Variants in SUMF1 observed in about 807,000 individuals in gnomAD.
SUMF1 encodes sulfatase modifying factor 1.
A neutral mutation model predicts 47.6 loss-of-function variants in SUMF1; 48 were observed. The ratio of observed to expected loss-of-function variants is 1.01; its 90% CI spans 0.80 to 1.28. The LOEUF (loss-of-function observed/expected upper bound fraction) is 1.28, where lower values mean the gene tolerates loss of function less well. SUMF1 is among the 50% of genes most tolerant of loss of function. The pLI, the probability that SUMF1 is intolerant of heterozygous loss-of-function variation, is 0.00. For synonymous variants in SUMF1, 230 were observed against 192.1 expected (o/e 1.20, Z -1.63); for missense variants, 571 against 485.4 (o/e 1.18, Z -1.66).
At chr3:4,402,297 G>A (rs1701237731) in intron 7 of SUMF1, among the ~76,000 whole-genome samples, 1 of 152,124 alleles carries the variant, frequency 6.6e-6, no homozygotes, top group African/African-American at 2.4e-5. Flanking sequence ...CTCACCAATT[G>A]CTGCCATCCT....
chr3:4,309,410 G>C (rs150640494), intron 8 of SUMF1, among the ~76,000 whole-genome samples: 174 of 152,244 alleles, frequency 1.1e-3, no homozygotes, highest in Non-Finnish European at 2.2e-3. Context: ...TTGGTTAACA[G>C]AGTACATTTT....
intron 8 of SUMF1, among the ~76,000 whole-genome samples, chr3:4,177,860 T>C (rs906938423): frequency 6.6e-6 from 1 of 152,002 alleles, no homozygotes. Context: ...AAAGGAGATA[T>C]CACCACCAAT....
Position 4,107,690 on chromosome 3 carries a change from T to C in SUMF1, c.1015-38945A>G, listed in dbSNP as rs190739236. Among the ~76,000 whole-genome samples the C allele has an allele frequency of 1.1e-4, 16 of 152,212 alleles. No individual in the cohort carries two copies. The East Asian group carries it at 3.1e-3, about 29-fold the overall frequency. On this transcript the variant is annotated intron_variant and NMD_transcript_variant, in intron 8 of 12. Coordinates refer to the SUMF1 transcript ENST00000448413. ...TATCAGGGCCTAGTGTGGCAACTCATGTCGGTAATAGCAGCACTTTGGAAG... is the reference window on the plus strand; with the variant it reads ...TATCAGGGCCTAGTGTGGCAACTCACGTCGGTAATAGCAGCACTTTGGAAG...
At chr3:4,162,263 G>T (rs545194264) in intron 8 of SUMF1, among the ~76,000 whole-genome samples, 2 of 152,262 alleles carry the variant, frequency 1.3e-5, no homozygotes, top group Non-Finnish European at 2.9e-5. Context: ...AGCAAGCTGC[G>T]CTACCTGAGG....
At chr3:4,367,858 C>T (rs1242548534) in intron 8 of SUMF1, among the ~76,000 whole-genome samples, 14 of 151,540 alleles carry the variant, frequency 9.2e-5, no homozygotes, top group East Asian at 1.9e-4. Flanking sequence ...AAGACTTAAA[C>T]GTTAGACCTA....
At chr3:4,189,587 G>A (rs562934487) in intron 8 of SUMF1, among the ~76,000 whole-genome samples, 97 of 152,114 alleles carry the variant, frequency 6.4e-4, no homozygotes, top group African/African-American at 2.3e-3. Context: ...GATGGGTTAG[G>A]CAAGAGGATA....
chr3:4,253,445 C>T (rs891012664), intron 8 of SUMF1, among the ~76,000 whole-genome samples: 6 of 152,148 alleles, frequency 3.9e-5, no homozygotes, highest in African/African-American at 1.4e-4. Context: ...CATTGCCTCA[C>T]CTGGGAAGCA....
In SUMF1 at chr3:4,368,227, C is replaced by G. The variant is rs149659925; in HGVS notation, c.1015-5973G>C. Among the ~76,000 whole-genome samples, 744 of 152,278 alleles carry G rather than the reference C, an allele frequency of 4.9e-3. 7 individuals are homozygous for G. The highest frequency in any genetic ancestry group is 0.017 in the African/African-American group (719 of 41,546). On this transcript the variant is annotated intron_variant, in intron 8 of 8. Transcript: ENST00000272902. ...AAGACATTTGTGCAGCCAAAAGACA[C>G]ATGAAAAAATGCTCACCATCACTGG...
chr3:4,203,772 T>G (rs1695591176), intron 8 of SUMF1, among the ~76,000 whole-genome samples: 1 of 152,060 alleles, frequency 6.6e-6, no homozygotes, highest in Admixed American at 6.6e-5. Flanking sequence ...TTTTTTTATT[T>G]GAGGTTACCA....
chr3:4,150,675 A>G (rs1694298469), intron 8 of SUMF1, among the ~76,000 whole-genome samples: 1 of 151,678 alleles, frequency 6.6e-6, no homozygotes, highest in South Asian at 2.1e-4. Flanking sequence ...ATGAGCCACT[A>G]TGCCAGGCTT....
chr3:4,096,444 C>G (rs1206842545), intron 8 of SUMF1, among the ~76,000 whole-genome samples: 1 of 152,092 alleles, frequency 6.6e-6, no homozygotes, highest in Non-Finnish European at 1.5e-5. Flanking sequence ...CTTCACCCAG[C>G]CAAAGAGTGA....
At chr3:4,091,400 T>C (rs1692784065) in intron 8 of SUMF1, among the ~76,000 whole-genome samples, 1 of 152,128 alleles carries the variant, frequency 6.6e-6, no homozygotes, top group Admixed American at 6.5e-5. Flanking sequence ...TGTATATTTG[T>C]GTATATGTGC....
rs59919993 is a variant in SUMF1, at chr3:4,141,178, C to A, written c.1015-72433G>T. Among the ~76,000 whole-genome samples, 651 of 152,210 alleles carry A rather than the reference C, an allele frequency of 4.3e-3. 8 individuals carry two copies. The highest frequency in any genetic ancestry group is 0.015 in the African/African-American group (619 of 41,522). ...TTTCTGCCACAGCATTTTGCAAGGCCATGTGTACTCCTTTCAAATAAATGC... is the reference window on the plus strand; with the variant it reads ...TTTCTGCCACAGCATTTTGCAAGGCAATGTGTACTCCTTTCAAATAAATGC... On this transcript the variant is annotated intron_variant and NMD_transcript_variant, in intron 8 of 12. Transcript: ENST00000448413.
At chr3:4,272,517 G>C (rs1210790060) in intron 8 of SUMF1, among the ~76,000 whole-genome samples, 2 of 152,108 alleles carry the variant, frequency 1.3e-5, no homozygotes, top group East Asian at 3.9e-4. Context: ...TTTCTGACGG[G>C]GGCTGACACA....
chr3:4,077,521 C>G (rs1248171353), intron 8 of SUMF1, among the ~76,000 whole-genome samples: 3 of 152,064 alleles, frequency 2.0e-5, no homozygotes, highest in Non-Finnish European at 4.4e-5. Flanking sequence ...ATGGATGAAG[C>G]TGGAAACCAT....
At chr3:4,213,626 T>C (rs1695848972) in intron 8 of SUMF1, among the ~76,000 whole-genome samples, 1 of 151,892 alleles carries the variant, frequency 6.6e-6, no homozygotes, top group Non-Finnish European at 1.5e-5. Context: ...GCAAATTGGA[T>C]AGAGTCAAGA....
rs570171264 is a variant in SUMF1 at position 4,152,743 on chromosome 3, A to G, written c.1015-83998T>C. Among the ~76,000 whole-genome samples, 5 of 151,698 alleles carry G rather than the reference A, an allele frequency of 3.3e-5. No individual in the cohort carries two copies. The South Asian group carries it at 1.0e-3, about 31-fold the overall frequency. ...CTTCATGCAGCCCAAGGCTGTCCTG[A>G]GGCTAGTAACAACCATTAATTCAGC... is the stretch of plus-strand genomic sequence containing the variant. On this transcript the variant is annotated intron_variant and NMD_transcript_variant, in intron 8 of 12. Coordinates refer to the SUMF1 transcript ENST00000448413.
rs139295898 is a variant in SUMF1, at chr3:4,230,234, A to G, written c.1014+146096T>C. ...ACCAGTTGTCCTGCAGTCCAACTCA[A>G]TTCTGACACTAACTACTCAGAGTTA... On this transcript the variant is annotated intron_variant and NMD_transcript_variant, in intron 8 of 12. Transcript: ENST00000448413. 4.6e-4 allele frequency among the ~76,000 whole-genome samples: 70 copies of G among 152,156 alleles called. 1 individual carries two copies. In the East Asian group the frequency reaches 8.0e-3, roughly 17 times the overall value.
chr3:4,150,137 C>T, intron 8 of SUMF1, among the ~76,000 whole-genome samples: 1 of 142,682 alleles, frequency 7.0e-6, no homozygotes, highest in South Asian at 2.2e-4. Context: ...CTGTGTCTCC[C>T]AGGCTGGAGT....
Sources: allele counts gnomAD v4.1 joint callset (sites outside exome capture counted in the v4.1 genomes callset), GRCh38; gene constraint gnomAD v4.1.1; transcripts MANE v1.5; gene names NCBI Gene and HGNC (gene_info 2026-07-23, HGNC 2026-07-21).